EIF4EBP1: variants seen among roughly 807,000 people sequenced by gnomAD.
EIF4EBP1 encodes the protein eukaryotic translation initiation factor 4E-binding protein 1.
Under a neutral mutation model 9.2 loss-of-function variants are expected in EIF4EBP1, and 5 were observed. The ratio of observed to expected loss-of-function variants is 0.54; its 90% CI spans 0.28 to 1.14. The LOEUF (loss-of-function observed/expected upper bound fraction) is 1.14. Among genes scored for constraint, EIF4EBP1 ranks in the 50% most tolerant of loss-of-function variants. The pLI is 0.09. For missense variants in EIF4EBP1, 139 were observed against 169.6 expected, an observed-to-expected ratio of 0.82 and a Z score of 1.00; for synonymous variants, 62 against 67.0, an observed-to-expected ratio of 0.93 and a Z score of 0.36.
intron 1 of EIF4EBP1, among the ~76,000 whole-genome samples, chr8:38,045,520 C>G (rs950806094): frequency 6.8e-6 from 1 of 147,074 alleles, no homozygotes; most frequent in African/African-American, 2.5e-5. Context: ...GTCAAGGCAA[C>G]ATGACAAAAC....
At chr8:38,035,212 CTTTTTA>C (rs945296531) in intron 1 of EIF4EBP1, among the ~76,000 whole-genome samples, 1 of 151,940 alleles carries the variant, frequency 6.6e-6, no homozygotes, top group African/African-American at 2.4e-5. Flanking sequence ...CCCCAGACTC[CTTTTTA>C]TTATTATTAT....
At chr8:38,052,418 G>T (rs1324356436) in intron 1 of EIF4EBP1, among the ~76,000 whole-genome samples, 1 of 151,284 alleles carries the variant, frequency 6.6e-6, no homozygotes, top group Non-Finnish European at 1.5e-5. Context: ...ATGCCACCAT[G>T]CCTGGTTAAT....
chr8:38,047,385 T>C (rs1809461147), intron 1 of EIF4EBP1: 1 of 152,110 alleles, frequency 6.6e-6, no homozygotes, highest in Non-Finnish European at 1.5e-5. Context: ...GACCGGCAAA[T>C]ATGTGGGTAA....
intron 1 of EIF4EBP1, among the ~76,000 whole-genome samples, chr8:38,033,743 CTTTTTTTT>C: frequency 9.6e-6 from 1 of 104,258 alleles, no homozygotes; most frequent in Non-Finnish European, 1.8e-5. Context: ...GTTTGCTTTC[CTTTTTTTT>C]TTTTTTTTTT....
At chr8:38,030,797 T>G in intron 1 of EIF4EBP1, 79 bp downstream of exon 1, 1 of 1,366,182 alleles carries the variant, frequency 7.3e-7, no homozygotes, top group Non-Finnish European at 9.4e-7. Context: ...GGACCGGGTG[T>G]CCAGGCTCAA....
chr8:38,052,666 C>T (rs887188332), intron 1 of EIF4EBP1, among the ~76,000 whole-genome samples: 3 of 151,240 alleles, frequency 2.0e-5, no homozygotes, highest in Non-Finnish European at 4.4e-5. Context: ...TACAGTGAGC[C>T]GAGATCGCAC....
At chr8:38,039,005 G>A (rs1809339896) in intron 1 of EIF4EBP1, among the ~76,000 whole-genome samples, 1 of 150,642 alleles carries the variant, frequency 6.6e-6, no homozygotes, top group African/African-American at 2.4e-5. Flanking sequence ...TGATTCTCCT[G>A]CCTCAGCCTC....
intron 1 of EIF4EBP1, among the ~76,000 whole-genome samples, chr8:38,044,399 G>T (rs925675173): frequency 6.6e-6 from 1 of 152,098 alleles, no homozygotes; most frequent in African/African-American, 2.4e-5. Flanking sequence ...TTCCAGCTGA[G>T]AGTGTTAGCT....
intron 1 of EIF4EBP1, among the ~76,000 whole-genome samples, chr8:38,043,431 C>A (rs1809410158): frequency 6.9e-6 from 1 of 145,876 alleles, no homozygotes; most frequent in Non-Finnish European, 1.5e-5. Flanking sequence ...GTGGTGCGAT[C>A]TTGGCTCACT....
rs567242007 is a variant in EIF4EBP1, at chr8:38,056,939, G to A, written c.146-142G>A. ...TGGTCTCCCAAAGTGCTGGGATTAT[G>A]GGCATGAGCCACCGCACCCAGCCTC... On this transcript the variant is annotated intron_variant, in intron 1 of 2. Transcript: ENST00000338825. 8.7e-6 allele frequency: 7 copies of A among 800,572 alleles called. No individual in the cohort carries two copies. The East Asian group carries it at 1.6e-4, about 18-fold the overall frequency. 49.6% of individuals were successfully genotyped at this position (800,572 alleles called of 1,614,324 possible).
At chr8:38,048,763 C>T (rs1207371815) in intron 1 of EIF4EBP1, among the ~76,000 whole-genome samples, 1 of 151,944 alleles carries the variant, frequency 6.6e-6, no homozygotes, top group Non-Finnish European at 1.5e-5. Flanking sequence ...TCATTTGAAA[C>T]CAGGGGTTTG....
Position 38,030,670 on chromosome 8 carries a change from G to T in EIF4EBP1, c.97G>T (p.Asp33Tyr). 1 of 1,499,804 alleles carries T rather than the reference G, an allele frequency of 6.7e-7. No individual in the cohort carries two copies. The highest frequency in any genetic ancestry group is 8.8e-7 in the Non-Finnish European group (1 of 1,130,616). The allele number at this position is 1,499,804 out of a possible 1,614,324, so 92.9% of individuals were successfully genotyped here. A position where few individuals can be genotyped will look rare whatever the true frequency, so the allele number is the denominator to read the frequency against. Residue 33 changes from aspartate to tyrosine, a missense_variant, in exon 1 of 3, where the codon GAC (aspartate) becomes TAC (tyrosine). Transcript: ENST00000338825. ...CGACGGCGTGCAGCTCCCGCCCGGG[G>T]ACTACAGCACGACCCCCGGCGGCAC... The part of the protein sequence containing the change: ...LGDGVQLPPG[D>Y]YSTTPGGTLF...
chr8:38,057,836 G>C (rs927740990), intron 2 of EIF4EBP1, among the ~76,000 whole-genome samples: 10 of 152,142 alleles, frequency 6.6e-5, no homozygotes, highest in Non-Finnish European at 1.5e-4. Flanking sequence ...CCCACCTCCC[G>C]AGTAATTAGA....
At chr8:38,037,536 A>G (rs944129989) in intron 1 of EIF4EBP1, among the ~76,000 whole-genome samples, 4 of 151,716 alleles carry the variant, frequency 2.6e-5, no homozygotes, top group African/African-American at 9.7e-5. Flanking sequence ...GATGGTCTCA[A>G]TCTCCTGACC....
rs1809608605 is a variant in EIF4EBP1, at chr8:38,057,149, C to G, written c.214C>G (p.Pro72Ala). Residue 72 changes from proline (P) to alanine (A), a missense_variant, in exon 2 of 3, where the codon CCA becomes GCA. Physicochemically the swap from Pro to Ala is conservative, Grantham distance 27. Transcript: ENST00000338825. Reference protein sequence around the residue: ...CRNSPVTKTPPRDLPTIPGVT... With the variant: ...CRNSPVTKTPARDLPTIPGVT... Reference sequence around the variant, plus strand: ...GAACTCACCTGTGACCAAAACACCCCCAAGGGATCTGCCCACCATTCCGGG... The same window carrying G: ...GAACTCACCTGTGACCAAAACACCCGCAAGGGATCTGCCCACCATTCCGGG... 1 of 1,614,114 alleles carries G rather than the reference C, an allele frequency of 6.2e-7. No individual in the cohort carries two copies. The highest frequency in any genetic ancestry group is 8.5e-7 in the Non-Finnish European group (1 of 1,180,050).
chr8:38,031,721 G>A (rs1441557738), intron 1 of EIF4EBP1, among the ~76,000 whole-genome samples: 1 of 152,186 alleles, frequency 6.6e-6, no homozygotes, highest in East Asian at 1.9e-4. Context: ...AGCGAGCGCG[G>A]CCAGATCCGA....
intron 1 of EIF4EBP1, among the ~76,000 whole-genome samples, chr8:38,034,785 G>GAAA (rs1809276076): frequency 6.6e-6 from 1 of 152,220 alleles, no homozygotes; most frequent in Non-Finnish European, 1.5e-5. Context: ...AACAGGCAGT[G>GAAA]CTGGGAAGAA....
Position 38,057,273 on chromosome 8 carries a change from G to A in EIF4EBP1, c.325+13G>A, listed in dbSNP as rs772135401. 2.4e-5 allele frequency: 36 copies of A among 1,479,278 alleles called. No homozygotes were observed. The highest frequency in any genetic ancestry group is 3.2e-5 in the Non-Finnish European group (35 of 1,110,746). The allele number at this position is 1,479,278 out of a possible 1,614,324, so 91.6% of individuals were successfully genotyped here. On this transcript the variant is annotated intron_variant, in intron 2 of 2. Coordinates refer to ENST00000338825, the MANE Select transcript of EIF4EBP1 (RefSeq NM_004095.4). ...AAGCGGGCGGGCGGTGAGTGTCGGGGCTTGGCCAGGCTCTACCTTGGGAAA... is the reference window on the plus strand; with the variant it reads ...AAGCGGGCGGGCGGTGAGTGTCGGGACTTGGCCAGGCTCTACCTTGGGAAA...
intron 1 of EIF4EBP1, among the ~76,000 whole-genome samples, chr8:38,040,005 C>G (rs1427498004): frequency 6.6e-6 from 1 of 152,202 alleles, no homozygotes; most frequent in Non-Finnish European, 1.5e-5. Flanking sequence ...CTTCCTGCCT[C>G]AGCTTCCCGA....
Sources: gnomAD v4.1 joint callset for allele counts (sites outside exome capture counted in the v4.1 genomes callset) on GRCh38, gnomAD v4.1.1 for gene constraint, MANE v1.5 for transcripts, NCBI Gene and HGNC (gene_info 2026-07-23, HGNC 2026-07-21) for gene names.